The following GATAD2A variants were observed in gnomAD, a reference collection of about 807,000 sequenced individuals.
GATAD2A encodes GATA zinc finger domain containing 2A.
In GATAD2A, 12 loss-of-function variants were observed where a neutral mutation model predicts 68.5. The ratio of observed to expected loss-of-function variants is 0.18; its 90% CI spans 0.11 to 0.28. The LOEUF is 0.28. Ranked by LOEUF, GATAD2A falls within the 10% of genes least tolerant of loss-of-function variation. GATAD2A has a pLI of 1.00. For missense variants in GATAD2A, 755 were observed against 868.5 expected (o/e 0.87, Z 1.64); for synonymous variants, 410 against 375.3 (o/e 1.09, Z -1.07).
intron 2 of GATAD2A, among the ~76,000 whole-genome samples, chr19:19,480,800 G>T (rs749161323): frequency 6.6e-4 from 100 of 152,362 alleles, no homozygotes; most frequent in Non-Finnish European, 1.4e-3. Flanking sequence ...ACTGGAGCAG[G>T]TCTGATTGGG....
intron 1 of GATAD2A, among the ~76,000 whole-genome samples, chr19:19,459,965 C>T (rs1301556891): frequency 6.6e-6 from 1 of 152,234 alleles, no homozygotes. Flanking sequence ...GGAATGAGTC[C>T]TAGTCACTGT....
At chr19:19,394,989 G>A (rs1238799626) in intron 1 of GATAD2A, among the ~76,000 whole-genome samples, 1 of 152,168 alleles carries the variant, frequency 6.6e-6, no homozygotes, top group Non-Finnish European at 1.5e-5. Context: ...CTCTGGAGGT[G>A]GAGAGGCAGG....
intron 1 of GATAD2A, among the ~76,000 whole-genome samples, chr19:19,460,019 G>T (rs2057284957): frequency 1.3e-5 from 2 of 152,228 alleles, no homozygotes; most frequent in African/African-American, 4.8e-5. Context: ...CCACAGTTCT[G>T]AGCAGATGGA....
chr19:19,433,549 A>G (rs1457839116), intron 1 of GATAD2A, among the ~76,000 whole-genome samples: 4 of 152,214 alleles, frequency 2.6e-5, no homozygotes, highest in African/African-American at 9.6e-5. Context: ...CTTCTGACCC[A>G]TGAACAAGAC....
At chr19:19,446,359 T>C (rs906921385) in intron 1 of GATAD2A, among the ~76,000 whole-genome samples, 9 of 152,206 alleles carry the variant, frequency 5.9e-5, no homozygotes, top group African/African-American at 2.2e-4. Context: ...TCAAGTCTTT[T>C]GGCTGTTTTT....
intron 1 of GATAD2A, among the ~76,000 whole-genome samples, chr19:19,424,125 G>C (rs772986973): frequency 2.0e-5 from 3 of 151,994 alleles, no homozygotes; most frequent in Non-Finnish European, 4.4e-5. Context: ...GGGTCTCACT[G>C]TTTTCTAGGG....
intron 11 of GATAD2A, among the ~76,000 whole-genome samples, chr19:19,503,890 C>T (rs1453184127): frequency 6.6e-6 from 1 of 152,158 alleles, no homozygotes; most frequent in African/African-American, 2.4e-5. Flanking sequence ...GCTTTTTCCA[C>T]AAAATGTATT....
At chr19:19,396,947 T>C (rs2049296947) in intron 1 of GATAD2A, among the ~76,000 whole-genome samples, 2 of 152,180 alleles carry the variant, frequency 1.3e-5, no homozygotes, top group African/African-American at 2.4e-5. Context: ...GACCTCGTAA[T>C]CTGCCCAACT....
At chr19:19,393,709 C>T (rs976481637) in intron 1 of GATAD2A, among the ~76,000 whole-genome samples, 1 of 152,148 alleles carries the variant, frequency 6.6e-6, no homozygotes, top group Admixed American at 6.5e-5. Context: ...TGAAACCTCA[C>T]TACCTCTTTA....
intron 11 of GATAD2A, among the ~76,000 whole-genome samples, chr19:19,504,155 C>T (rs1437682950): frequency 6.6e-6 from 1 of 152,182 alleles, no homozygotes; most frequent in Non-Finnish European, 1.5e-5. Flanking sequence ...GCAGTGAGCA[C>T]TGATTGTGCC....
intron 1 of GATAD2A, among the ~76,000 whole-genome samples, chr19:19,429,556 T>G (rs906528735): frequency 4.6e-5 from 7 of 151,970 alleles, no homozygotes; most frequent in East Asian, 4.0e-4. Flanking sequence ...TGGTTTATTA[T>G]GGGGAGTAGA....
At chr19:19,504,910 G>T (rs1164592058) in intron 11 of GATAD2A, among the ~76,000 whole-genome samples, 1 of 152,092 alleles carries the variant, frequency 6.6e-6, no homozygotes, top group Non-Finnish European at 1.5e-5. Flanking sequence ...CTCTCAAAGT[G>T]CTGGGATTCT....
At chr19:19,434,379 G>T (rs866949161) in intron 1 of GATAD2A, among the ~76,000 whole-genome samples, 7 of 152,090 alleles carry the variant, frequency 4.6e-5, no homozygotes, top group African/African-American at 7.2e-5. Flanking sequence ...CGGCAGAAAG[G>T]GTTCTTCCTG....
intron 1 of GATAD2A, among the ~76,000 whole-genome samples, chr19:19,407,530 A>T (rs569469166): frequency 3.3e-5 from 5 of 152,330 alleles, no homozygotes; most frequent in Middle Eastern, 3.4e-3. Flanking sequence ...GGCAGCCCGT[A>T]CTTGGTGCTC....
At chr19:19,494,255 C>G (rs368205664) in intron 4 of GATAD2A, 39 bp from the exon 5 acceptor site, 2 of 1,209,834 alleles carry the variant, frequency 1.7e-6, no homozygotes, top group South Asian at 1.2e-5. Flanking sequence ...GGGACCGGCC[C>G]GGTGGCCCCT....
intron 10 of GATAD2A, 106 bp from the exon 11 acceptor site, chr19:19,502,225 T>G (rs578033731): frequency 2.6e-5 from 25 of 979,184 alleles, no homozygotes; most frequent in Non-Finnish European, 3.9e-5. Flanking sequence ...AGGGACCCCA[T>G]GTGGGTGGGA....
chr19:19,436,955 T>G (rs560121662), intron 1 of GATAD2A, among the ~76,000 whole-genome samples: 1 of 152,268 alleles, frequency 6.6e-6, no homozygotes, highest in Admixed American at 6.5e-5. Context: ...GGTCACGCAG[T>G]GTGAGATGTG....
At chr19:19,457,900 G>T (rs1184488909) in intron 1 of GATAD2A, among the ~76,000 whole-genome samples, 1 of 152,128 alleles carries the variant, frequency 6.6e-6, no homozygotes, top group Non-Finnish European at 1.5e-5. Context: ...GATGACACAT[G>T]CCCGTCTCCA....
Position 19,458,150 on chromosome 19 carries a change from G to A in GATAD2A, c.-6-7190G>A, listed in dbSNP as rs538429567. Among the ~76,000 whole-genome samples, 16 of 152,324 alleles carry A rather than the reference G, an allele frequency of 1.1e-4. No individual in the cohort carries two copies. In the East Asian group the frequency reaches 1.5e-3, roughly 15 times the overall value. On this transcript the variant is annotated intron_variant, in intron 1 of 11. Transcript: ENST00000683918. ...GGCCACCAAGGGTTAAGAACCCAGC[G>A]TCAGCCAGTGAGTAGTAGACATCTG...
Sources: allele counts gnomAD v4.1 joint callset (sites outside exome capture counted in the v4.1 genomes callset), GRCh38; gene constraint gnomAD v4.1.1; transcripts MANE v1.5; gene names NCBI Gene and HGNC (gene_info 2026-07-23, HGNC 2026-07-21).